Variants in DMD observed in about 807,000 individuals in gnomAD.
DMD encodes the protein dystrophin.
Under a neutral mutation model 330.1 loss-of-function variants are expected in DMD, and 63 were observed. The observed-to-expected ratio is 0.19, with a 90% confidence interval of 0.16 to 0.24. DMD has a LOEUF of 0.24. Among genes scored for constraint, DMD ranks in the 10% least tolerant of loss-of-function variants. DMD has a pLI of 1.00. For synonymous variants in DMD, 1,223 were observed against 959.8 expected, an observed-to-expected ratio of 1.27 and a Z score of -5.07; for missense variants, 3,344 against 2,684.1, an observed-to-expected ratio of 1.25 and a Z score of -5.43.
intron 60 of DMD, among the ~76,000 whole-genome samples, chrX:31,371,560 G>A (rs2059571148): frequency 9.0e-6 from 1 of 111,004 alleles, no homozygotes; most frequent in South Asian, 4.0e-4. Context: ...CCGGTGAAAG[G>A]CTCGTTTCTG....
intron 1 of DMD, among the ~76,000 whole-genome samples, chrX:33,220,399 C>T (rs1003891100): frequency 1.8e-5 from 2 of 111,831 alleles, no homozygotes; most frequent in Non-Finnish European, 3.8e-5. Flanking sequence ...ATAGATCCTA[C>T]GCAATGTAGC....
At chrX:32,795,128 A>G (rs1242820262) in intron 7 of DMD, among the ~76,000 whole-genome samples, 3 of 112,032 alleles carry the variant, frequency 2.7e-5, no homozygotes, top group African/African-American at 9.8e-5. Flanking sequence ...GAATACAGAA[A>G]TGGAATAAAA....
chrX:31,899,569 T>C (rs2094394769), intron 47 of DMD, among the ~76,000 whole-genome samples: 1 of 111,238 alleles, frequency 9.0e-6, no homozygotes, highest in East Asian at 2.8e-4. Context: ...TATGACTGAT[T>C]TTCAAATCTG....
At chrX:32,224,609 G>A (rs2097141558) in intron 43 of DMD, among the ~76,000 whole-genome samples, 1 of 111,540 alleles carries the variant, frequency 9.0e-6, no homozygotes, top group South Asian at 3.7e-4. Context: ...ACAAGGCAAA[G>A]AAATAAACAC....
At position 32,545,012 on chromosome X, in the gene DMD, C is replaced by T. The variant is rs747525278; in HGVS notation, c.2168+147G>A. 2.7e-5 allele frequency: 14 copies of T among 526,673 alleles called. No homozygotes were observed. In the African/African-American group the frequency reaches 3.1e-4, roughly 12 times the overall value. The allele number at this position is 526,673 out of a possible 1,213,427, so 43.4% of individuals were successfully genotyped here. On this transcript the variant is annotated intron_variant, in intron 17 of 78. Transcript: ENST00000357033. ...TTTCTTGTGAAAGTTTTAAAATGTACTTCATAATTTTTCTCACTACATTAA... is the reference window on the plus strand; with the variant it reads ...TTTCTTGTGAAAGTTTTAAAATGTATTTCATAATTTTTCTCACTACATTAA...
intron 1 of DMD, among the ~76,000 whole-genome samples, chrX:33,224,866 T>G (rs1329959926): frequency 9.0e-6 from 1 of 111,390 alleles, no homozygotes; most frequent in Non-Finnish European, 1.9e-5. Flanking sequence ...GCTGTGAACC[T>G]AAAGGTTCTC....
intron 2 of DMD, among the ~76,000 whole-genome samples, chrX:32,956,002 G>GTAT (rs2091560822): frequency 9.0e-6 from 1 of 111,662 alleles, no homozygotes; most frequent in African/African-American, 3.3e-5. Flanking sequence ...TTTTTGCTTA[G>GTAT]TATTGCCTTG....
At chrX:31,823,450 G>C (rs1270010663) in intron 49 of DMD, among the ~76,000 whole-genome samples, 1 of 112,059 alleles carries the variant, frequency 8.9e-6, no homozygotes, top group Non-Finnish European at 1.9e-5. Flanking sequence ...TAAAGGAAAA[G>C]AGAAAGAGAT....
intron 1 of DMD, among the ~76,000 whole-genome samples, chrX:33,121,942 T>C: frequency 8.9e-6 from 1 of 112,461 alleles, no homozygotes; most frequent in South Asian, 3.7e-4. Context: ...GGTGCTTAAA[T>C]CAGCCGGCCA....
At chrX:32,085,639 C>T (rs1314756653) in intron 44 of DMD, among the ~76,000 whole-genome samples, 2 of 84,142 alleles carry the variant, frequency 2.4e-5, no homozygotes, top group Admixed American at 1.4e-4. Flanking sequence ...CACATATATA[C>T]GTATATATAT....
At chrX:31,899,453 GA>G (rs1471293854) in intron 47 of DMD, among the ~76,000 whole-genome samples, 2 of 109,404 alleles carry the variant, frequency 1.8e-5, no homozygotes, top group Non-Finnish European at 3.8e-5. Flanking sequence ...TCGTAAGACT[GA>G]AAAAAAGTGA....
chrX:32,171,198 G>T (rs1351388266), intron 44 of DMD, among the ~76,000 whole-genome samples: 1 of 110,470 alleles, frequency 9.1e-6, no homozygotes, highest in East Asian at 2.8e-4. Flanking sequence ...TATTTAATTA[G>T]CCATCATAGG....
chrX:33,156,074 CTGAA>C (rs1262754762), intron 1 of DMD, among the ~76,000 whole-genome samples: 3 of 111,510 alleles, frequency 2.7e-5, no homozygotes, highest in Non-Finnish European at 5.6e-5. Flanking sequence ...CTGCAAATGG[CTGAA>C]TGTTTTATTA....
At chrX:31,931,054 T>C (rs182887281) in intron 46 of DMD, among the ~76,000 whole-genome samples, 57 of 112,112 alleles carry the variant, frequency 5.1e-4, no homozygotes, top group Non-Finnish European at 8.6e-4. Context: ...GAAATAAACG[T>C]TTGACATTGG....
intron 60 of DMD, among the ~76,000 whole-genome samples, chrX:31,355,695 C>A (rs191138350): frequency 2.7e-5 from 3 of 111,142 alleles, no homozygotes; most frequent in African/African-American, 9.8e-5. Context: ...TTCATTCTTA[C>A]TCCCAAATCC....
intron 1 of DMD, chrX:33,128,339 C>A: frequency 9.7e-7 from 1 of 1,026,913 alleles, no homozygotes. Flanking sequence ...CAAAAGCAGA[C>A]AAACACACAA....
chrX:32,365,308 C>A, intron 34 of DMD, 109 bp from the exon 35 acceptor site: 1 of 741,089 alleles, frequency 1.3e-6, no homozygotes, highest in East Asian at 3.4e-5. Context: ...GGTTTTAAAC[C>A]TATAACTATG....
intron 7 of DMD, among the ~76,000 whole-genome samples, chrX:32,744,220 A>G (rs1325955605): frequency 9.1e-6 from 1 of 110,177 alleles, no homozygotes; most frequent in Non-Finnish European, 1.9e-5. Context: ...CATTCCTCCA[A>G]AGTTGCTCTT....
chrX:31,958,109 T>G (rs1418845078), intron 45 of DMD, among the ~76,000 whole-genome samples: 1 of 103,699 alleles, frequency 9.6e-6, no homozygotes, highest in African/African-American at 3.5e-5. Flanking sequence ...TTTTTTTTTT[T>G]TTTTTTTTTT....
Sources: allele counts gnomAD v4.1 joint callset (sites outside exome capture counted in the v4.1 genomes callset), GRCh38; gene constraint gnomAD v4.1.1; transcripts MANE v1.5; gene names NCBI Gene and HGNC (gene_info 2026-07-23, HGNC 2026-07-21).